Variants in ZRSR2 observed in about 807,000 individuals in gnomAD.
The protein encoded by ZRSR2 is U2 small nuclear ribonucleoprotein auxiliary factor 35 kDa subunit-related protein 2.
In ZRSR2, 3 loss-of-function variants were observed where a neutral mutation model predicts 39.4. The observed-to-expected ratio is 0.08, with a 90% CI of 0.03 to 0.20. The LOEUF is 0.20. Ranked by LOEUF, ZRSR2 falls within the 10% of genes least tolerant of loss-of-function variation. The pLI is 1.00. For missense variants in ZRSR2, 256 were observed against 391.5 expected (o/e 0.65, Z 2.92); for synonymous variants, 137 against 136.0 (o/e 1.01, Z -0.05).
At chrX:15,806,070 C>T (rs1041817771) in intron 5 of ZRSR2, among the ~76,000 whole-genome samples, 8 of 111,560 alleles carry the variant, frequency 7.2e-5, no homozygotes, top group Non-Finnish European at 1.5e-4. Context: ...GTGGAGAGAT[C>T]TCAGCAAGAA....
At chrX:15,815,978 G>T in intron 8 of ZRSR2, 88 bp downstream of exon 8, 2 of 762,326 alleles carry the variant, frequency 2.6e-6, no homozygotes, top group Non-Finnish European at 3.8e-6. Context: ...GCTCAGCTGG[G>T]GTCAGGCACG....
intron 6 of ZRSR2, 23 bp from the exon 7 acceptor site, chrX:15,809,177 A>T: frequency 9.2e-7 from 1 of 1,088,660 alleles, no homozygotes; most frequent in Non-Finnish European, 1.3e-6. Context: ...CTCCACCAGT[A>T]AAGTCATGGT....
chrX:15,793,099 A>G (rs1436850529), intron 2 of ZRSR2, among the ~76,000 whole-genome samples: 1 of 112,044 alleles, frequency 8.9e-6, no homozygotes, highest in African/African-American at 3.2e-5. Flanking sequence ...GAAAAGTAGA[A>G]TAGGTTGGAG....
At chrX:15,795,479 C>A (rs1466010831) in intron 2 of ZRSR2, among the ~76,000 whole-genome samples, 2 of 111,247 alleles carry the variant, frequency 1.8e-5, no homozygotes, top group Non-Finnish European at 1.9e-5. Context: ...GGGCATTGTC[C>A]AATATTAAAA....
At chrX:15,816,014 C>G in intron 8 of ZRSR2, 124 bp downstream of exon 8, 2 of 442,986 alleles carry the variant, frequency 4.5e-6, no homozygotes, top group Non-Finnish European at 7.4e-6. Context: ...TGTGACTTCC[C>G]TCTTTCTCTC....
At chrX:15,796,048 A>G (rs1384426964) in intron 2 of ZRSR2, among the ~76,000 whole-genome samples, 12 of 105,959 alleles carry the variant, frequency 1.1e-4, no homozygotes, top group Middle Eastern at 4.8e-3. Context: ...TTTTTTTTTG[A>G]GATGGAGTCT....
At position 15,815,725 on chromosome X, in the gene ZRSR2, T is replaced by G; in HGVS notation, c.606T>G (p.Ile202Met). 8.3e-7 allele frequency: 1 copy of G among 1,210,275 alleles called. No homozygotes were observed. ...CAACATCCAGTCCTACCCTTCTTATTAAGAGCATGTTTACGACGTTTGGAA... is the reference window on the plus strand; with the variant it reads ...CAACATCCAGTCCTACCCTTCTTATGAAGAGCATGTTTACGACGTTTGGAA... Reference protein sequence around the residue: ...NFPTSSPTLLIKSMFTTFGME... With the variant: ...NFPTSSPTLLMKSMFTTFGME... Residue 202 changes from isoleucine (I) to methionine (M), a missense_variant, in exon 8 of 11, where the codon ATT becomes ATG. This residue lies in a region of ZRSR2 where 58 missense variants were observed against 163.1 expected (regional missense o/e 0.36). Transcript: ENST00000307771.
chrX:15,818,587 G>A lies in ZRSR2; in HGVS notation c.772G>A (p.Val258Ile), dbSNP rs1933027450. The change falls in exon 9 of 11, where the codon GTC becomes ATC. Residue 258 changes from valine to isoleucine, a missense_variant and splice_region_variant. This residue lies in a region of ZRSR2 where 58 missense variants were observed against 163.1 expected (regional missense o/e 0.36). Transcript: ENST00000307771. ...GATAGCATTCTTCATTGCTCCCTAG[G>A]TCAGCTGCAATTTGGAACCTCACCT... ...KNVGKVIQFKVSCNLEPHLRG... is the reference protein window; with the variant it reads ...KNVGKVIQFKISCNLEPHLRG... The A allele has an allele frequency of 8.3e-7, 1 of 1,203,156 alleles. No homozygotes were observed. The highest frequency in any genetic ancestry group is 1.8e-5 in the South Asian group (1 of 56,390).
At position 15,819,704 on chromosome X, in the gene ZRSR2, G is replaced by T. The variant is rs1025498081; in HGVS notation, c.828-503G>T. On this transcript the variant is annotated intron_variant, in intron 9 of 10. Transcript: ENST00000307771. ...ATAATTAAAATACAAACTAATAAGG[G>T]ATAACTAGAATAGAGAACATAAAAG... is the stretch of plus-strand genomic sequence containing the variant. 1.3e-4 allele frequency among the ~76,000 whole-genome samples: 15 copies of T among 111,732 alleles called. No individual in the cohort carries two copies. The South Asian group carries it at 5.5e-3, about 41-fold the overall frequency.
At position 15,801,313 on chromosome X, in the gene ZRSR2, C is replaced by G. The variant is rs1398151732; in HGVS notation, c.203+1360C>G. 4 of 245,609 alleles carry G rather than the reference C, an allele frequency of 1.6e-5. 1 individual carries two copies. Among genetic ancestry groups the G allele is most frequent in the South Asian group, 1.6e-4 (4 of 24,574 alleles). The allele number at this position is 245,609 out of a possible 1,213,427, so 20.2% of individuals were successfully genotyped here. A position where few individuals can be genotyped will look rare whatever the true frequency, so the allele number is the denominator to read the frequency against. ...GTGTGATCTCCGCTCACCGCAACCT[C>G]CACCTCCCAGGTTCACACGATTCTC... On this transcript the variant is annotated intron_variant, in intron 3 of 10. Coordinates refer to ENST00000307771, the MANE Select transcript of ZRSR2 (RefSeq NM_005089.4).
intron 3 of ZRSR2, among the ~76,000 whole-genome samples, chrX:15,800,326 A>C (rs1344346007): frequency 5.5e-5 from 6 of 108,303 alleles, no homozygotes; most frequent in African/African-American, 2.0e-4. Flanking sequence ...AGCTGGGACA[A>C]CAGGTGTGCA....
intron 7 of ZRSR2, among the ~76,000 whole-genome samples, chrX:15,810,923 ATAAT>A (rs1167223028): frequency 9.3e-6 from 1 of 107,789 alleles, no homozygotes; most frequent in Non-Finnish European, 1.9e-5. Flanking sequence ...ATATAAATAA[ATAAT>A]AAGAATACCA....
rs1932602978 is a variant in ZRSR2 at position 15,799,766 on chromosome X, G to T, written c.122-106G>T. On this transcript the variant is annotated intron_variant, in intron 2 of 10. Coordinates refer to ENST00000307771, the MANE Select transcript of ZRSR2 (RefSeq NM_005089.4). ...TTTTTGTTAGAAAGTTTAAGAAAAA[G>T]ATTTTTACCATAATTTTATACATTA... 9 of 495,961 alleles carry T rather than the reference G, an allele frequency of 1.8e-5. 1 individual carries two copies. The South Asian group carries it at 4.6e-4, about 25-fold the overall frequency. 40.9% of individuals were successfully genotyped at this position (495,961 alleles called of 1,213,427 possible). A position where few individuals can be genotyped will look rare whatever the true frequency, so the allele number is the denominator to read the frequency against.
Position 15,810,107 on chromosome X carries a change from T to C in ZRSR2, c.557+789T>C, listed in dbSNP as rs781195079. ...CACCCGTAGAACAGGGCCCCAGGAG[T>C]GCTTGCTGGCATTTTCATTATTGTG... On this transcript the variant is annotated intron_variant, in intron 7 of 10. Coordinates refer to ENST00000307771, the MANE Select transcript of ZRSR2 (RefSeq NM_005089.4). Among the ~76,000 whole-genome samples, 3 of 111,320 alleles carry C rather than the reference T, an allele frequency of 2.7e-5. No individual in the cohort carries two copies. In the East Asian group the frequency reaches 8.5e-4, roughly 31 times the overall value.
intron 10 of ZRSR2, among the ~76,000 whole-genome samples, chrX:15,822,250 A>G (rs755018273): frequency 1.8e-5 from 2 of 111,923 alleles, no homozygotes; most frequent in Admixed American, 9.4e-5. Flanking sequence ...TCAGCCTCCC[A>G]AAGTGTTAGG....
At chrX:15,800,577 T>C (rs1932640767) in intron 3 of ZRSR2, among the ~76,000 whole-genome samples, 1 of 112,154 alleles carries the variant, frequency 8.9e-6, no homozygotes, top group Admixed American at 9.5e-5. Flanking sequence ...CACCCAAAGA[T>C]AGCCACTGTT....
chrX:15,803,483 C>G (rs778918724), intron 3 of ZRSR2, among the ~76,000 whole-genome samples: 1 of 111,128 alleles, frequency 9.0e-6, no homozygotes, highest in African/African-American at 3.3e-5. Context: ...AGTTATTACC[C>G]ATTAGGAAGA....
At chrX:15,807,529 A>AGT (rs1356745467) in intron 5 of ZRSR2, among the ~76,000 whole-genome samples, 1 of 107,626 alleles carries the variant, frequency 9.3e-6, no homozygotes, top group East Asian at 3.0e-4. Flanking sequence ...ACCTCAAGTG[A>AGT]TCCACCCGCC....
In ZRSR2 at chrX:15,818,619, C is replaced by T. The variant is rs1164393340; in HGVS notation, c.804C>T (p.Gly268=). The change falls in exon 9 of 11, where the codon GGC becomes GGT. Residue 268 remains glycine (G), a synonymous_variant. Coordinates refer to ENST00000307771, the MANE Select transcript of ZRSR2 (RefSeq NM_005089.4). ...VSCNLEPHLR[G]NVYVQYQSEE... is the part of the protein sequence containing the mutation. ...GCAATTTGGAACCTCACCTGAGGGG[C>T]AATGTATATGTTCAGTACCAGTCGT... 8.3e-7 allele frequency: 1 copy of T among 1,207,303 alleles called. No homozygotes were observed. Among genetic ancestry groups the T allele is most frequent in the African/African-American group, 1.7e-5 (1 of 57,433 alleles).
Sources: allele counts gnomAD v4.1 joint callset (sites outside exome capture counted in the v4.1 genomes callset), GRCh38; gene constraint gnomAD v4.1.1; regional missense constraint gnomAD v4.1.1; transcripts MANE v1.5; gene names NCBI Gene and HGNC (gene_info 2026-07-23, HGNC 2026-07-21).